The following E2F3 variants were observed in gnomAD, a reference collection of about 807,000 sequenced individuals.
The protein encoded by E2F3 is E2F transcription factor 3, also known as transcription factor E2F3.
E2F3 carries 11 observed loss-of-function variants against 44.4 expected under a neutral mutation model. The observed-to-expected ratio is 0.25, with a 90% CI of 0.16 to 0.41. E2F3 has a LOEUF of 0.41. Ranked by LOEUF, E2F3 falls within the 10% of genes least tolerant of loss-of-function variation. E2F3 has a pLI of 1.00. For missense variants in E2F3, 487 were observed against 583.6 expected, an observed-to-expected ratio of 0.83 and a Z score of 1.70; for synonymous variants, 249 against 253.0, an observed-to-expected ratio of 0.98 and a Z score of 0.15.
At chr6:20,473,019 A>G (rs1025089510) in intron 1 of E2F3, among the ~76,000 whole-genome samples, 2 of 152,210 alleles carry the variant, frequency 1.3e-5, no homozygotes, top group Non-Finnish European at 2.9e-5. Context: ...GGGATGGTAG[A>G]TAGTCTAGGT....
At chr6:20,456,446 C>G (rs1442536409) in intron 1 of E2F3, among the ~76,000 whole-genome samples, 1 of 152,146 alleles carries the variant, frequency 6.6e-6, no homozygotes, top group Non-Finnish European at 1.5e-5. Context: ...ATTCTGAGAA[C>G]ATTGTCATAA....
intron 4 of E2F3, among the ~76,000 whole-genome samples, chr6:20,485,858 T>C (rs1335318749): frequency 6.6e-6 from 1 of 152,254 alleles, no homozygotes; most frequent in Non-Finnish European, 1.5e-5. Context: ...TCTGAGTTCC[T>C]CCACTAATGT....
intron 1 of E2F3, among the ~76,000 whole-genome samples, chr6:20,465,949 C>T (rs1761690032): frequency 1.3e-5 from 2 of 152,146 alleles, no homozygotes; most frequent in Admixed American, 1.3e-4. Flanking sequence ...TTCTTTTCCT[C>T]TGGGTAGGTA....
At chr6:20,445,539 C>T (rs1760915565) in intron 1 of E2F3, among the ~76,000 whole-genome samples, 1 of 152,134 alleles carries the variant, frequency 6.6e-6, no homozygotes, top group South Asian at 2.1e-4. Context: ...ACATACGTAT[C>T]TTAGCATTGA....
chr6:20,465,376 TC>T (rs1409543730), intron 1 of E2F3, among the ~76,000 whole-genome samples: 1 of 152,258 alleles, frequency 6.6e-6, no homozygotes, highest in African/African-American at 2.4e-5. Context: ...CAGCAGGACT[TC>T]CCTTTGATCT....
At chr6:20,444,557 G>T (rs539095710) in intron 1 of E2F3, among the ~76,000 whole-genome samples, 24 of 152,098 alleles carry the variant, frequency 1.6e-4, no homozygotes, top group Non-Finnish European at 3.2e-4. Context: ...AAGTCTAGTC[G>T]TGGGTCTGTT....
chr6:20,403,584 G>A (rs1759384125), intron 1 of E2F3: 1 of 453,990 alleles, frequency 2.2e-6, no homozygotes. Context: ...GCGGCGGGAG[G>A]GGGCGCTGGA....
intron 1 of E2F3, among the ~76,000 whole-genome samples, chr6:20,470,565 G>T (rs1412184219): frequency 1.3e-5 from 2 of 150,210 alleles, no homozygotes; most frequent in East Asian, 3.9e-4. Context: ...TTTCACTGAT[G>T]TACTTAACTT....
At chr6:20,473,247 A>C (rs1379298127) in intron 1 of E2F3, among the ~76,000 whole-genome samples, 6 of 152,254 alleles carry the variant, frequency 3.9e-5, no homozygotes, top group Non-Finnish European at 8.8e-5. Context: ...ATATCAACTT[A>C]ATCTAGCTAT....
intron 1 of E2F3, among the ~76,000 whole-genome samples, chr6:20,462,561 G>A (rs755681215): frequency 4.6e-5 from 7 of 151,214 alleles, no homozygotes; most frequent in South Asian, 4.2e-4. Flanking sequence ...AGGTTCAAGC[G>A]ATTCTCCCAC....
chr6:20,472,025 AACACACACACACACACACAC>A (rs57925127), intron 1 of E2F3, among the ~76,000 whole-genome samples: 3 of 138,358 alleles, frequency 2.2e-5, no homozygotes, highest in Admixed American at 7.3e-5. Context: ...CCCCCCCTCC[AACACACACACACACACACAC>A]ACACACACAC....
chr6:20,409,618 T>C (rs1434211424), intron 1 of E2F3, among the ~76,000 whole-genome samples: 1 of 152,240 alleles, frequency 6.6e-6, no homozygotes, highest in Non-Finnish European at 1.5e-5. Flanking sequence ...GTGTTCTTCC[T>C]CTGTGGTTAG....
intron 1 of E2F3, among the ~76,000 whole-genome samples, chr6:20,403,510 G>A (rs1581558579): frequency 2.0e-5 from 3 of 152,142 alleles, no homozygotes; most frequent in South Asian, 2.1e-4. Flanking sequence ...CCCTCTCTCC[G>A]GGACCCGCCG....
At chr6:20,468,503 C>T (rs1449519578) in intron 1 of E2F3, among the ~76,000 whole-genome samples, 1 of 152,236 alleles carries the variant, frequency 6.6e-6, no homozygotes, top group Admixed American at 6.5e-5. Context: ...CCTCCAGGAA[C>T]CTCCTTGTGT....
intron 1 of E2F3, among the ~76,000 whole-genome samples, chr6:20,404,689 G>T (rs919423207): frequency 6.6e-6 from 1 of 151,434 alleles, no homozygotes; most frequent in Non-Finnish European, 1.5e-5. Context: ...TACTTGCTGG[G>T]CATGTGTGAT....
At chr6:20,484,096 T>C (rs1486563149) in intron 4 of E2F3, among the ~76,000 whole-genome samples, 3 of 152,074 alleles carry the variant, frequency 2.0e-5, no homozygotes, top group African/African-American at 4.8e-5. Context: ...GGGAGCCCCA[T>C]TGTGGAAGAG....
intron 1 of E2F3, among the ~76,000 whole-genome samples, chr6:20,457,736 T>A (rs1406197870): frequency 1.3e-5 from 2 of 152,184 alleles, no homozygotes; most frequent in Non-Finnish European, 2.9e-5. Flanking sequence ...CCTATAATCA[T>A]TGAGCTGCTG....
intron 1 of E2F3, among the ~76,000 whole-genome samples, chr6:20,424,585 T>C (rs1760147866): frequency 7.3e-6 from 1 of 136,956 alleles, no homozygotes; most frequent in Non-Finnish European, 1.5e-5. Context: ...CTGCTTCCTG[T>C]TACATACTTT....
intron 1 of E2F3, among the ~76,000 whole-genome samples, chr6:20,445,483 C>T (rs1028367922): frequency 7.2e-5 from 11 of 152,216 alleles, no homozygotes; most frequent in South Asian, 4.1e-4. Context: ...CGTGAGCCAC[C>T]GTGCCCGGCC....
Sources: gnomAD v4.1 joint callset for allele counts (sites outside exome capture counted in the v4.1 genomes callset) on GRCh38, gnomAD v4.1.1 for gene constraint, MANE v1.5 for transcripts, NCBI Gene and HGNC (gene_info 2026-07-23, HGNC 2026-07-21) for gene names.